Variants in MACROD2 observed in about 807,000 individuals in gnomAD.
The protein encoded by MACROD2 is ADP-ribose glycohydrolase MACROD2.
A neutral mutation model predicts 70.4 loss-of-function variants in MACROD2; 36 were observed. The observed-to-expected ratio is 0.51, with a 90% CI of 0.39 to 0.68. MACROD2 has a LOEUF of 0.68. Among genes scored for constraint, MACROD2 ranks in the 30% least tolerant of loss-of-function variants. MACROD2 has a pLI of 0.00. For synonymous variants in MACROD2, 172 were observed against 178.8 expected (o/e 0.96, Z 0.30); for missense variants, 496 against 538.4 (o/e 0.92, Z 0.78).
chr20:14,026,379 G>A (rs1343807377), intron 2 of MACROD2, among the ~76,000 whole-genome samples: 3 of 152,154 alleles, frequency 2.0e-5, no homozygotes, highest in African/African-American at 7.2e-5. Context: ...ATTTGATCCT[G>A]TCATTATGAT....
At chr20:15,296,068 A>C (rs1258616629) in intron 6 of MACROD2, among the ~76,000 whole-genome samples, 1 of 152,150 alleles carries the variant, frequency 6.6e-6, no homozygotes, top group Non-Finnish European at 1.5e-5. Flanking sequence ...ACATATTTTC[A>C]TACTTTCTCT....
At chr20:14,281,364 T>C (rs547705443) in intron 3 of MACROD2, among the ~76,000 whole-genome samples, 2 of 152,142 alleles carry the variant, frequency 1.3e-5, no homozygotes, top group Non-Finnish European at 2.9e-5. Context: ...ATGTCCAGAA[T>C]AGGCAAATCC....
At chr20:15,876,618 G>T (rs1167930539) in intron 9 of MACROD2, among the ~76,000 whole-genome samples, 1 of 151,964 alleles carries the variant, frequency 6.6e-6, no homozygotes, top group Non-Finnish European at 1.5e-5. Flanking sequence ...TATTCCTTTG[G>T]GTATATACCC....
intron 6 of MACROD2, among the ~76,000 whole-genome samples, chr20:15,325,125 T>C (rs1338172674): frequency 6.6e-6 from 1 of 152,058 alleles, no homozygotes; most frequent in Non-Finnish European, 1.5e-5. Flanking sequence ...ACAATAGAAG[T>C]TTAAAGATGT....
chr20:14,384,027 T>G (rs1177236323), intron 3 of MACROD2, among the ~76,000 whole-genome samples: 1 of 152,174 alleles, frequency 6.6e-6, no homozygotes, highest in African/African-American at 2.4e-5. Flanking sequence ...TAAGCTTTGA[T>G]CATTTAAATG....
intron 8 of MACROD2, among the ~76,000 whole-genome samples, chr20:15,543,060 T>G (rs1010474152): frequency 1.3e-5 from 2 of 152,338 alleles, no homozygotes; most frequent in African/African-American, 2.4e-5. Context: ...TAACATTTTT[T>G]TAATCTCTTG....
intron 2 of MACROD2, among the ~76,000 whole-genome samples, chr20:14,075,132 G>A (rs1447312513): frequency 6.6e-6 from 1 of 152,086 alleles, no homozygotes; most frequent in Non-Finnish European, 1.5e-5. Context: ...GCCATGAAGT[G>A]CTTCTTTTAA....
intron 5 of MACROD2, among the ~76,000 whole-genome samples, chr20:15,080,115 CAAATAAATAAATAAAT>C (rs11467492): frequency 9.6e-4 from 138 of 143,360 alleles, no homozygotes; most frequent in Middle Eastern, 3.4e-3. Flanking sequence ...ACAGAACAGC[CAAATAAATAAATAAAT>C]AAATAAATAA....
intron 5 of MACROD2, among the ~76,000 whole-genome samples, chr20:15,060,907 A>G (rs183484647): frequency 4.6e-5 from 7 of 152,300 alleles, no homozygotes; most frequent in East Asian, 1.9e-4. Flanking sequence ...CTCATACACA[A>G]TGAAGCCGGC....
chr20:15,121,454 A>G (rs1423800387), intron 5 of MACROD2, among the ~76,000 whole-genome samples: 1 of 149,368 alleles, frequency 6.7e-6, no homozygotes, highest in Non-Finnish European at 1.5e-5. Context: ...CAGAGGTTGC[A>G]GTGAGCCGAG....
At chr20:15,006,676 C>T (rs965228873) in intron 5 of MACROD2, among the ~76,000 whole-genome samples, 4 of 152,006 alleles carry the variant, frequency 2.6e-5, no homozygotes, top group East Asian at 1.9e-4. Context: ...CAAAGCAAAA[C>T]AAAACTGTAA....
chr20:15,776,408 A>G (rs1436187198), intron 8 of MACROD2, among the ~76,000 whole-genome samples: 1 of 152,146 alleles, frequency 6.6e-6, no homozygotes. Flanking sequence ...TCTCACCTGA[A>G]GGACAAGGTT....
chr20:15,231,422 A>G (rs957393954), intron 6 of MACROD2, among the ~76,000 whole-genome samples: 34 of 152,196 alleles, frequency 2.2e-4, no homozygotes, highest in African/African-American at 8.2e-4. Flanking sequence ...AATTTTGTCA[A>G]TATGGCTTAT....
At chr20:15,243,618 AAG>A (rs1464943116) in intron 6 of MACROD2, among the ~76,000 whole-genome samples, 3 of 79,278 alleles carry the variant, frequency 3.8e-5, no homozygotes, top group African/African-American at 1.1e-4. Context: ...TTAAAATGTC[AAG>A]AATTCTGTGA....
chr20:14,154,813 C>T (rs1016869827), intron 3 of MACROD2, among the ~76,000 whole-genome samples: 1 of 152,104 alleles, frequency 6.6e-6, no homozygotes, highest in Non-Finnish European at 1.5e-5. Flanking sequence ...TTCCCTTGGG[C>T]CACAAGCCTG....
chr20:15,709,481 T>C (rs1600791442), intron 8 of MACROD2, among the ~76,000 whole-genome samples: 1 of 152,124 alleles, frequency 6.6e-6, no homozygotes, highest in Non-Finnish European at 1.5e-5. Flanking sequence ...GGCAACATAC[T>C]GAGACCCTGC....
At chr20:14,225,145 T>A (rs1014382869) in intron 3 of MACROD2, among the ~76,000 whole-genome samples, 1 of 152,236 alleles carries the variant, frequency 6.6e-6, no homozygotes, top group African/African-American at 2.4e-5. Context: ...GCAGAATAAT[T>A]TGTTTTCCTC....
At chr20:14,714,557 G>A (rs547027471) in intron 5 of MACROD2, among the ~76,000 whole-genome samples, 7 of 152,156 alleles carry the variant, frequency 4.6e-5, no homozygotes, top group South Asian at 4.2e-4. Flanking sequence ...CCTTCTCTTC[G>A]GTCTCATCCT....
chr20:15,288,305 G>A (rs541762625), intron 6 of MACROD2, among the ~76,000 whole-genome samples: 11 of 152,246 alleles, frequency 7.2e-5, no homozygotes, highest in African/African-American at 2.4e-4. Flanking sequence ...TTTCAGGCAG[G>A]CTGTCTCCAT....
Sources: allele counts gnomAD v4.1 joint callset (sites outside exome capture counted in the v4.1 genomes callset), GRCh38; gene constraint gnomAD v4.1.1; transcripts MANE v1.5; gene names NCBI Gene and HGNC (gene_info 2026-07-23, HGNC 2026-07-21).